CDH12: variants seen among roughly 807,000 people sequenced by gnomAD.
The protein encoded by CDH12 is cadherin-12.
Under a neutral mutation model 74.1 loss-of-function variants are expected in CDH12, and 41 were observed. The observed-to-expected ratio is 0.55, with a 90% CI of 0.43 to 0.72. The LOEUF is 0.72. Among genes scored for constraint, CDH12 ranks in the 30% least tolerant of loss-of-function variants. CDH12 has a pLI of 0.00. For missense variants in CDH12, 945 were observed against 977.2 expected (o/e 0.97, Z 0.44); for synonymous variants, 399 against 355.0 (o/e 1.12, Z -1.39).
At chr5:22,335,325 T>C (rs1156706628) in intron 3 of CDH12, among the ~76,000 whole-genome samples, 1 of 152,028 alleles carries the variant, frequency 6.6e-6, no homozygotes, top group Non-Finnish European at 1.5e-5. Context: ...AGTGAATGGG[T>C]CTCATGAGAT....
intron 5 of CDH12, among the ~76,000 whole-genome samples, chr5:22,001,323 G>A (rs1219371922): frequency 7.7e-6 from 1 of 129,616 alleles, no homozygotes; most frequent in African/African-American, 4.4e-5. Flanking sequence ...CTTATTAATA[G>A]AATCCTTCCA....
chr5:21,784,547 T>C (rs1746095386), intron 10 of CDH12, among the ~76,000 whole-genome samples: 2 of 152,130 alleles, frequency 1.3e-5, no homozygotes, highest in Admixed American at 6.6e-5. Context: ...GTCTTACCAA[T>C]TTTAAATATA....
chr5:22,553,369 C>T (rs1561486599), intron 1 of CDH12, among the ~76,000 whole-genome samples: 1 of 151,836 alleles, frequency 6.6e-6, no homozygotes, highest in Admixed American at 6.6e-5. Flanking sequence ...TGGTGGCAAC[C>T]ACTATTTTAT....
At chr5:22,288,699 G>T (rs534883989) in intron 3 of CDH12, among the ~76,000 whole-genome samples, 10 of 152,134 alleles carry the variant, frequency 6.6e-5, no homozygotes, top group Non-Finnish European at 8.8e-5. Flanking sequence ...GTACAGTGGT[G>T]GACCAAATTG....
intron 3 of CDH12, among the ~76,000 whole-genome samples, chr5:22,339,461 T>G (rs1295390490): frequency 6.6e-6 from 1 of 152,218 alleles, no homozygotes; most frequent in Non-Finnish European, 1.5e-5. Context: ...TATTTGGTTT[T>G]GAGGGTTCTA....
intron 1 of CDH12, among the ~76,000 whole-genome samples, chr5:22,662,922 AAAC>A (rs541075938): frequency 1.0e-3 from 159 of 152,334 alleles, no homozygotes; most frequent in African/African-American, 3.4e-3. Flanking sequence ...AGGGCAAGGA[AAAC>A]AACAACAACT....
chr5:22,682,985 G>C (rs1741575640), intron 1 of CDH12, among the ~76,000 whole-genome samples: 1 of 151,922 alleles, frequency 6.6e-6, no homozygotes, highest in Non-Finnish European at 1.5e-5. Flanking sequence ...ACTCACATTG[G>C]CTTCTCTATT....
chr5:21,886,540 AATAT>A (rs1190095655), intron 6 of CDH12, among the ~76,000 whole-genome samples: 1 of 146,592 alleles, frequency 6.8e-6, no homozygotes, highest in African/African-American at 2.5e-5. Context: ...TATTATATAT[AATAT>A]ATATAAATAT....
intron 1 of CDH12, among the ~76,000 whole-genome samples, chr5:22,642,424 C>G (rs576878165): frequency 6.6e-6 from 1 of 152,232 alleles, no homozygotes; most frequent in Non-Finnish European, 1.5e-5. Context: ...TATTCCCTTC[C>G]CCATAACCTT....
chr5:22,337,262 G>C (rs1290397670), intron 3 of CDH12, among the ~76,000 whole-genome samples: 1 of 152,170 alleles, frequency 6.6e-6, no homozygotes, highest in Non-Finnish European at 1.5e-5. Context: ...GCCTTGTCTA[G>C]GATGAGACTT....
intron 4 of CDH12, among the ~76,000 whole-genome samples, chr5:22,198,877 A>T (rs1408956053): frequency 2.4e-5 from 3 of 124,758 alleles, no homozygotes; most frequent in African/African-American, 7.7e-5. Context: ...GACATTTTTT[A>T]TTTTTATTTA....
At chr5:21,810,046 A>G (rs1364374291) in intron 9 of CDH12, among the ~76,000 whole-genome samples, 1 of 152,108 alleles carries the variant, frequency 6.6e-6, no homozygotes, top group Non-Finnish European at 1.5e-5. Flanking sequence ...GGAGAACCAC[A>G]ATACCATTGG....
chr5:22,579,093 C>T (rs1739947416), intron 1 of CDH12, among the ~76,000 whole-genome samples: 2 of 152,156 alleles, frequency 1.3e-5, no homozygotes, highest in Non-Finnish European at 2.9e-5. Context: ...AACCTCAAAC[C>T]TAATCTCTAA....
At chr5:22,850,968 C>A (rs1032697230) in intron 1 of CDH12, among the ~76,000 whole-genome samples, 7 of 152,132 alleles carry the variant, frequency 4.6e-5, no homozygotes, top group South Asian at 4.1e-4. Context: ...ACCTATATCC[C>A]AGACTGTTAC....
chr5:22,281,434 T>G (rs1176886068), intron 3 of CDH12, among the ~76,000 whole-genome samples: 1 of 152,160 alleles, frequency 6.6e-6, no homozygotes, highest in Non-Finnish European at 1.5e-5. Flanking sequence ...GAAGTCAAAT[T>G]GTCTCTATTT....
chr5:22,044,916 A>C (rs1739828196), intron 5 of CDH12, among the ~76,000 whole-genome samples: 1 of 152,234 alleles, frequency 6.6e-6, no homozygotes, highest in African/African-American at 2.4e-5. Flanking sequence ...CTTCAAAAGC[A>C]CAGGCAACAA....
intron 6 of CDH12, among the ~76,000 whole-genome samples, chr5:21,882,096 G>C (rs1462325168): frequency 2.0e-5 from 3 of 152,172 alleles, no homozygotes; most frequent in Non-Finnish European, 4.4e-5. Flanking sequence ...TATTTAATTA[G>C]AGCCAATGTT....
chr5:21,800,726 A>G (rs549752287), intron 10 of CDH12, among the ~76,000 whole-genome samples: 7 of 152,284 alleles, frequency 4.6e-5, no homozygotes, highest in African/African-American at 1.2e-4. Context: ...TACATGTTGA[A>G]GGAGGGTCCT....
chr5:22,471,964 A>G (rs1192000372), intron 2 of CDH12, among the ~76,000 whole-genome samples: 1 of 152,148 alleles, frequency 6.6e-6, no homozygotes, highest in Non-Finnish European at 1.5e-5. Flanking sequence ...GCACCTGAAG[A>G]TTTATAGTCA....
Sources: allele counts gnomAD v4.1 joint callset (sites outside exome capture counted in the v4.1 genomes callset), GRCh38; gene constraint gnomAD v4.1.1; transcripts MANE v1.5; gene names NCBI Gene and HGNC (gene_info 2026-07-23, HGNC 2026-07-21).